Variants in GNAI1 observed in about 807,000 individuals in gnomAD.
GNAI1 encodes guanine nucleotide-binding protein G(i) subunit alpha-1.
Under a neutral mutation model 38.9 loss-of-function variants are expected in GNAI1, and 11 were observed. The observed-to-expected ratio is 0.28, with a 90% confidence interval of 0.18 to 0.47. The LOEUF is 0.47. Among genes scored for constraint, GNAI1 ranks in the 20% least tolerant of loss-of-function variants. The probability of loss-of-function intolerance (pLI) is 0.99; values close to 1 mark genes in which losing one functional copy is unlikely to be tolerated. For synonymous variants in GNAI1, 166 were observed against 145.1 expected (o/e 1.14, Z -1.04); for missense variants, 317 against 436.9 (o/e 0.73, Z 2.45).
rs536758717 is a variant in GNAI1, at chr7:80,196,292, A to T, written c.304-2933A>T. Among the ~76,000 whole-genome samples the T allele has an allele frequency of 8.3e-4, 126 of 152,104 alleles. 2 individuals are homozygous for T. The highest frequency in any genetic ancestry group is 1.3e-4 in the Non-Finnish European group (9 of 67,864). On this transcript the variant is annotated intron_variant, in intron 3 of 7. Coordinates refer to ENST00000649796, the MANE Select transcript of GNAI1 (RefSeq NM_002069.6). Reference sequence around the variant, plus strand: ...CATGCAAGGAATTTTTCTGTCAAATAATTGCCTGGCAAATAATCTTTCTTT... The same window carrying T: ...CATGCAAGGAATTTTTCTGTCAAATTATTGCCTGGCAAATAATCTTTCTTT...
rs2115631592 is a variant in GNAI1 at position 80,188,895 on chromosome 7, A to G, written c.119-56A>G. The G allele has an allele frequency of 2.8e-6, 3 of 1,083,642 alleles. No individual in the cohort carries two copies. The East Asian group carries it at 7.3e-5, about 26-fold the overall frequency. 67.1% of individuals were successfully genotyped at this position (1,083,642 alleles called of 1,614,324 possible). On this transcript the variant is annotated intron_variant, in intron 1 of 7. Coordinates refer to ENST00000649796, the MANE Select transcript of GNAI1 (RefSeq NM_002069.6). ...GTGTGTGTTTGTGTGTTGGGAGTTGAATATACTTAAGTGATTATGATGAAA... is the reference window on the plus strand; with the variant it reads ...GTGTGTGTTTGTGTGTTGGGAGTTGGATATACTTAAGTGATTATGATGAAA...
Position 80,221,046 on chromosome 7 carries a change from G to T in GNAI1, c.*3553G>T, listed in dbSNP as rs747133363. Among the ~76,000 whole-genome samples, 3 of 152,140 alleles carry T rather than the reference G, an allele frequency of 2.0e-5. No individual in the cohort carries two copies. Among genetic ancestry groups the T allele is most frequent in the Non-Finnish European group, 4.4e-5 (3 of 68,018 alleles). ...GTTTGCAGAACCACCTTATGTAAAT[G>T]AATTTAGTTGATACTGTAATCATTA... is the stretch of plus-strand genomic sequence containing the variant. On this transcript the variant is annotated 3_prime_UTR_variant, in exon 8 of 8. Coordinates refer to ENST00000649796, the MANE Select transcript of GNAI1 (RefSeq NM_002069.6).
chr7:80,181,926 T>C (rs927781025), intron 1 of GNAI1, among the ~76,000 whole-genome samples: 9 of 152,200 alleles, frequency 5.9e-5, no homozygotes, highest in African/African-American at 2.2e-4. Context: ...TTTTCAAGTA[T>C]ACAATATGTT....
rs4580984 is a variant in GNAI1, at chr7:80,217,066, T to C, written c.875-237T>C. Among the ~76,000 whole-genome samples, 1,147 of 152,090 alleles carry C rather than the reference T, an allele frequency of 7.5e-3. 48 individuals carry two copies. The highest frequency in any genetic ancestry group is 0.063 in the Admixed American group (969 of 15,264). ...AGATCATGATGAACACGGAATGCCA[T>C]GTAAAGGAAATTTTTTGTTTAAGGG... On this transcript the variant is annotated intron_variant, in intron 7 of 7. Transcript: ENST00000649796.
intron 1 of GNAI1, among the ~76,000 whole-genome samples, chr7:80,166,390 A>G (rs1257119830): frequency 6.6e-6 from 1 of 152,140 alleles, no homozygotes; most frequent in Non-Finnish European, 1.5e-5. Flanking sequence ...AATTGTTTAA[A>G]AAAACAGAGG....
intron 1 of GNAI1, among the ~76,000 whole-genome samples, chr7:80,167,140 AC>A (rs761268807): frequency 3.9e-5 from 6 of 152,186 alleles, no homozygotes; most frequent in African/African-American, 7.2e-5. Context: ...ACTTGGAGTT[AC>A]CCCTTCAGCC....
At chr7:80,162,385 T>G (rs573472926) in intron 1 of GNAI1, among the ~76,000 whole-genome samples, 1 of 152,282 alleles carries the variant, frequency 6.6e-6, no homozygotes, top group African/African-American at 2.4e-5. Flanking sequence ...CTACAGCACC[T>G]CACTGAAGAA....
Position 80,225,588 on chromosome 7 carries a change from A to G in GNAI1, c.*8095A>G, listed in dbSNP as rs985970482. Reference sequence around the variant, plus strand: ...CTTCTGAACTTATTTTGGAAAGAGTAGCTCCCTGGAGTGTGGAGGAGGACA... The same window carrying G: ...CTTCTGAACTTATTTTGGAAAGAGTGGCTCCCTGGAGTGTGGAGGAGGACA... On this transcript the variant is annotated 3_prime_UTR_variant, in exon 8 of 8. Coordinates refer to ENST00000649796, the MANE Select transcript of GNAI1 (RefSeq NM_002069.6). Among the ~76,000 whole-genome samples, 2 of 152,206 alleles carry G rather than the reference A, an allele frequency of 1.3e-5. No individual in the cohort carries two copies. The highest frequency in any genetic ancestry group is 2.9e-5 in the Non-Finnish European group (2 of 68,032).
In GNAI1 at chr7:80,221,918, A is replaced by G. The variant is rs547338089; in HGVS notation, c.*4425A>G. Among the ~76,000 whole-genome samples, 8 of 151,950 alleles carry G rather than the reference A, an allele frequency of 5.3e-5. No individual in the cohort carries two copies. The East Asian group carries it at 9.7e-4, about 18-fold the overall frequency. On this transcript the variant is annotated 3_prime_UTR_variant, in exon 8 of 8. Coordinates refer to ENST00000649796, the MANE Select transcript of GNAI1 (RefSeq NM_002069.6). ...GCCTCCCAAAGTGCTGGGATTACAGACGTGAGCCACTGCGCCCAGCCAGTT... is the reference window on the plus strand; with the variant it reads ...GCCTCCCAAAGTGCTGGGATTACAGGCGTGAGCCACTGCGCCCAGCCAGTT...
chr7:80,158,545 T>C (rs2116120983), intron 1 of GNAI1, among the ~76,000 whole-genome samples: 1 of 152,224 alleles, frequency 6.6e-6, no homozygotes, highest in South Asian at 2.1e-4. Flanking sequence ...AAGGGGCCTT[T>C]CCCCCTTTTA....
At chr7:80,135,320 C>A in intron 1 of GNAI1, 42 bp downstream of exon 1, 2 of 1,177,056 alleles carry the variant, frequency 1.7e-6, no homozygotes, top group Non-Finnish European at 1.1e-6. Context: ...GGCGGGGGAC[C>A]GGGTGCGGCG....
intron 1 of GNAI1, among the ~76,000 whole-genome samples, chr7:80,171,972 T>G (rs1356643053): frequency 2.0e-5 from 3 of 152,246 alleles, no homozygotes; most frequent in South Asian, 4.1e-4. Flanking sequence ...AGTGGTCCAG[T>G]GAAAAGTATA....
chr7:80,155,132 A>G (rs986239627), intron 1 of GNAI1, among the ~76,000 whole-genome samples: 2 of 152,174 alleles, frequency 1.3e-5, no homozygotes, highest in Non-Finnish European at 2.9e-5. Flanking sequence ...TACTGACTCA[A>G]TATGTGGGAT....
rs894063729 is a variant in GNAI1 at position 80,225,789 on chromosome 7, T to G, written c.*8296T>G. Among the ~76,000 whole-genome samples the G allele has an allele frequency of 1.3e-5, 2 of 152,222 alleles. No homozygotes were observed. The highest frequency in any genetic ancestry group is 2.9e-5 in the Non-Finnish European group (2 of 68,020). ...TGAAGTTTACTAGATTCTCAAACTT[T>G]CCATAAGATTTGAGTTCATTAGTTT... On this transcript the variant is annotated 3_prime_UTR_variant, in exon 8 of 8. Transcript: ENST00000649796.
chr7:80,159,965 G>A (rs1390360550), intron 1 of GNAI1, among the ~76,000 whole-genome samples: 1 of 152,146 alleles, frequency 6.6e-6, no homozygotes, highest in Non-Finnish European at 1.5e-5. Flanking sequence ...TACTGGTTAT[G>A]TAGCAGTAAC....
intron 1 of GNAI1, among the ~76,000 whole-genome samples, chr7:80,145,818 C>T (rs1787609285): frequency 6.6e-6 from 1 of 152,038 alleles, no homozygotes; most frequent in Non-Finnish European, 1.5e-5. Flanking sequence ...TGTGTGAATC[C>T]TGTACACCCT....
At chr7:80,164,513 C>G (rs965705608) in intron 1 of GNAI1, among the ~76,000 whole-genome samples, 3 of 151,990 alleles carry the variant, frequency 2.0e-5, no homozygotes, top group Non-Finnish European at 4.4e-5. Flanking sequence ...AGGCGCCCAC[C>G]ACCACACCCG....
At chr7:80,171,769 C>G (rs999194301) in intron 1 of GNAI1, among the ~76,000 whole-genome samples, 1 of 152,144 alleles carries the variant, frequency 6.6e-6, no homozygotes, top group African/African-American at 2.4e-5. Flanking sequence ...TATGACTTCT[C>G]TTTCATAGGA....
chr7:80,167,945 T>C (rs1017368259), intron 1 of GNAI1, among the ~76,000 whole-genome samples: 6 of 152,354 alleles, frequency 3.9e-5, no homozygotes, highest in Admixed American at 3.3e-4. Flanking sequence ...CAACAAAATA[T>C]AGGTCATTAG....
Sources: allele counts gnomAD v4.1 joint callset (sites outside exome capture counted in the v4.1 genomes callset), GRCh38; gene constraint gnomAD v4.1.1; transcripts MANE v1.5; gene names NCBI Gene and HGNC (gene_info 2026-07-23, HGNC 2026-07-21).